Variants in LAMA2 observed in about 807,000 individuals in gnomAD.
LAMA2 encodes the protein laminin subunit alpha-2.
Under a neutral mutation model 364.8 loss-of-function variants are expected in LAMA2, and 269 were observed. The ratio of observed to expected loss-of-function variants is 0.74; its 90% CI spans 0.67 to 0.82. The LOEUF is 0.82. Ranked by LOEUF, LAMA2 falls within the 40% of genes least tolerant of loss-of-function variation. The pLI is 0.00. For missense variants in LAMA2, 3,807 were observed against 3,873.2 expected, an observed-to-expected ratio of 0.98 and a Z score of 0.45; for synonymous variants, 1,379 against 1,370.6, an observed-to-expected ratio of 1.01 and a Z score of -0.14.
chr6:129,151,440 A>T (rs950280603), intron 7 of LAMA2, among the ~76,000 whole-genome samples: 1 of 152,150 alleles, frequency 6.6e-6, no homozygotes, highest in African/African-American at 2.4e-5. Flanking sequence ...AATCCCAGCT[A>T]CTGGAAAGAA....
intron 1 of LAMA2, among the ~76,000 whole-genome samples, chr6:128,934,555 G>A (rs2114524505): frequency 6.6e-6 from 1 of 151,542 alleles, no homozygotes; most frequent in Non-Finnish European, 1.5e-5. Context: ...AAGGTGGAGT[G>A]CAATGGTGCA....
At chr6:129,188,479 A>G (rs1045158719) in intron 10 of LAMA2, among the ~76,000 whole-genome samples, 1 of 151,936 alleles carries the variant, frequency 6.6e-6, no homozygotes, top group Non-Finnish European at 1.5e-5. Flanking sequence ...AGTATACAGA[A>G]CAGCTGTACT....
At chr6:129,080,253 T>C (rs1773951577) in intron 3 of LAMA2, among the ~76,000 whole-genome samples, 1 of 152,108 alleles carries the variant, frequency 6.6e-6, no homozygotes, top group Admixed American at 6.5e-5. Flanking sequence ...TAGAAAACAA[T>C]AGAGCACAAG....
In LAMA2 at chr6:129,497,828, G is replaced by A. The variant is rs539284373; in HGVS notation, c.8245-4831G>A. Among the ~76,000 whole-genome samples, 32 of 152,260 alleles carry A rather than the reference G, an allele frequency of 2.1e-4. No homozygotes were observed. The South Asian group carries it at 4.2e-3, about 20-fold the overall frequency. On this transcript the variant is annotated intron_variant, in intron 58 of 64. Coordinates refer to ENST00000421865, the MANE Select transcript of LAMA2 (RefSeq NM_000426.4). ...CTTATGATTAATTCATGTTGAACACGCTAGATTAAAGAGCATTTCATGCAT... is the reference window on the plus strand; with the variant it reads ...CTTATGATTAATTCATGTTGAACACACTAGATTAAAGAGCATTTCATGCAT...
At chr6:129,354,699 A>T (rs980030346) in intron 32 of LAMA2, among the ~76,000 whole-genome samples, 3 of 152,180 alleles carry the variant, frequency 2.0e-5, no homozygotes, top group Admixed American at 6.5e-5. Context: ...AAGCACAAAA[A>T]TTAAACAATA....
At chr6:129,486,683 G>A (rs1462709338) in intron 56 of LAMA2, 61 bp downstream of exon 56, 74 of 1,478,802 alleles carry the variant, frequency 5.0e-5, no homozygotes, top group Non-Finnish European at 5.9e-5. Context: ...TGCTAGCATC[G>A]GTATCTATCA....
intron 23 of LAMA2, among the ~76,000 whole-genome samples, chr6:129,313,847 A>G (rs775929089): frequency 5.3e-5 from 8 of 152,234 alleles, no homozygotes; most frequent in African/African-American, 7.2e-5. Context: ...AGTTTCTACC[A>G]TCAAGGGCTT....
chr6:129,350,093 C>A (rs1776773641), intron 31 of LAMA2, among the ~76,000 whole-genome samples: 1 of 152,138 alleles, frequency 6.6e-6, no homozygotes, highest in Admixed American at 6.6e-5. Flanking sequence ...TATATATTTT[C>A]TGTAAGATCA....
chr6:128,986,316 G>T (rs570703829), intron 1 of LAMA2, among the ~76,000 whole-genome samples: 2 of 152,136 alleles, frequency 1.3e-5, no homozygotes, highest in East Asian at 3.9e-4. Flanking sequence ...GTCATTTCTT[G>T]GAGGAGCCCT....
intron 13 of LAMA2, among the ~76,000 whole-genome samples, chr6:129,251,076 C>CTCTCTCTCTA (rs1491468271): frequency 2.6e-4 from 13 of 49,800 alleles, no homozygotes; most frequent in South Asian, 8.6e-4. Flanking sequence ...CTCTCTCTCT[C>CTCTCTCTCTA]TATATATATA....
At chr6:129,478,489 A>T (rs901703761) in intron 53 of LAMA2, among the ~76,000 whole-genome samples, 1 of 152,086 alleles carries the variant, frequency 6.6e-6, no homozygotes, top group African/African-American at 2.4e-5. Flanking sequence ...CTACAAAAAG[A>T]CTCCTTCTGC....
chr6:129,452,853 G>A lies in LAMA2; in HGVS notation c.6430-135G>A, dbSNP rs1782751930. ...TGAGTATAATGGTGTCTGCATATGG[G>A]TGTTTAATGATAGTATTTGATGATA... is the stretch of plus-strand genomic sequence containing the variant. On this transcript the variant is annotated intron_variant, in intron 45 of 64. Coordinates refer to ENST00000421865, the MANE Select transcript of LAMA2 (RefSeq NM_000426.4). 4.0e-6 allele frequency: 3 copies of A among 753,410 alleles called. No individual in the cohort carries two copies. In the Admixed American group the frequency reaches 6.2e-5, roughly 16 times the overall value. The allele number at this position is 753,410 out of a possible 1,614,324, so 46.7% of individuals were successfully genotyped here. A position where few individuals can be genotyped will look rare whatever the true frequency, so the allele number is the denominator to read the frequency against.
intron 41 of LAMA2, among the ~76,000 whole-genome samples, chr6:129,434,415 T>C (rs751733877): frequency 1.3e-5 from 2 of 152,138 alleles, no homozygotes; most frequent in Non-Finnish European, 2.9e-5. Flanking sequence ...TAAAGACGTA[T>C]GTGTGTGTAG....
At chr6:129,122,364 C>T (rs1042440104) in intron 4 of LAMA2, among the ~76,000 whole-genome samples, 5 of 152,158 alleles carry the variant, frequency 3.3e-5, no homozygotes, top group South Asian at 2.1e-4. Context: ...GGATTTCGTT[C>T]TGGGGAGCTT....
intron 43 of LAMA2, among the ~76,000 whole-genome samples, chr6:129,441,792 A>C (rs952693095): frequency 3.9e-5 from 6 of 152,092 alleles, no homozygotes; most frequent in Admixed American, 3.3e-4. Context: ...CAGCCTGGGC[A>C]CCATAGCAAG....
chr6:129,339,386 A>T (rs1460589274), intron 29 of LAMA2, among the ~76,000 whole-genome samples: 1 of 152,194 alleles, frequency 6.6e-6, no homozygotes, highest in African/African-American at 2.4e-5. Context: ...TTAGCAAGAG[A>T]TGAACTTCAT....
intron 12 of LAMA2, among the ~76,000 whole-genome samples, chr6:129,207,821 C>T (rs1451833832): frequency 1.3e-5 from 2 of 151,446 alleles, no homozygotes; most frequent in East Asian, 1.9e-4. Context: ...AGAAAGTTCA[C>T]GAAGTTATTA....
chr6:129,033,894 G>GTT (rs1325310797), intron 1 of LAMA2, among the ~76,000 whole-genome samples: 1 of 92,152 alleles, frequency 1.1e-5, no homozygotes, highest in Non-Finnish European at 2.7e-5. Flanking sequence ...CCCAGCTATG[G>GTT]GTTTTTTTTT....
intron 28 of LAMA2, among the ~76,000 whole-genome samples, chr6:129,321,354 A>G (rs1030689152): frequency 6.6e-6 from 1 of 152,186 alleles, no homozygotes; most frequent in Non-Finnish European, 1.5e-5. Context: ...CCATACAGTA[A>G]GCCTGAGACC....
Sources: gnomAD v4.1 joint callset for allele counts (sites outside exome capture counted in the v4.1 genomes callset) on GRCh38, gnomAD v4.1.1 for gene constraint, MANE v1.5 for transcripts, NCBI Gene and HGNC (gene_info 2026-07-23, HGNC 2026-07-21) for gene names.